The following SPATS2L variants were observed in gnomAD, a reference collection of about 807,000 sequenced individuals.
SPATS2L encodes the protein SPATS2-like protein.
SPATS2L carries 30 observed loss-of-function variants against 59.6 expected under a neutral mutation model. That is an observed-to-expected ratio of 0.50 (90% CI 0.38 to 0.68). The LOEUF is 0.68. Ranked by LOEUF, SPATS2L falls within the 30% of genes least tolerant of loss-of-function variation. SPATS2L has a pLI of 0.00. For missense variants in SPATS2L, 615 were observed against 700.0 expected, an observed-to-expected ratio of 0.88 and a Z score of 1.37; for synonymous variants, 252 against 263.5, an observed-to-expected ratio of 0.96 and a Z score of 0.42.
upstream of SPATS2L, chr2:200,306,517 A>G: frequency 1.0e-6 from 1 of 1,002,316 alleles, no homozygotes; most frequent in Non-Finnish European, 1.2e-6. Flanking sequence ...CGTGCGTGTG[A>G]GCGGATACAA....
chr2:200,351,216 G>A (rs1223318160), intron 2 of SPATS2L: 1 of 471,086 alleles, frequency 2.1e-6, no homozygotes, highest in South Asian at 1.5e-5. Context: ...CACTTGCTGG[G>A]AGGGAGTGCC....
intron 2 of SPATS2L, chr2:200,378,159 C>A: frequency 1.1e-6 from 1 of 922,198 alleles, no homozygotes. Flanking sequence ...GGCCACCAAC[C>A]CCCTGCTGAT....
At chr2:200,474,612 A>G (rs2087362567) in intron 12 of SPATS2L, among the ~76,000 whole-genome samples, 1 of 152,176 alleles carries the variant, frequency 6.6e-6, no homozygotes, top group South Asian at 2.1e-4. Context: ...CTCTCTGTTC[A>G]TTATTAAATA....
intron 1 of SPATS2L, among the ~76,000 whole-genome samples, chr2:200,314,165 T>C (rs2105752490): frequency 6.6e-6 from 1 of 152,336 alleles, no homozygotes; most frequent in African/African-American, 2.4e-5. Context: ...ACTCGACAAG[T>C]TCAAAACATC....
At position 200,365,869 on chromosome 2, in the gene SPATS2L, C is replaced by T. The variant is rs376116573; in HGVS notation, c.-22-23354C>T. ...GGTCACCCTCACTAAAATCAAAGTT[C>T]CTCGAGGCCAGGGATTGTATTTCAT... On this transcript the variant is annotated intron_variant, in intron 2 of 12. Transcript: ENST00000409140. Among the ~76,000 whole-genome samples the T allele has an allele frequency of 1.1e-4, 17 of 152,274 alleles. No homozygotes were observed. The East Asian group carries it at 2.1e-3, about 19-fold the overall frequency.
chr2:200,471,915 C>G (rs2087074211), intron 11 of SPATS2L, among the ~76,000 whole-genome samples: 1 of 152,234 alleles, frequency 6.6e-6, no homozygotes, highest in Non-Finnish European at 1.5e-5. Flanking sequence ...AAAGAAAGGT[C>G]TAGCTGGCAG....
intron 2 of SPATS2L, among the ~76,000 whole-genome samples, chr2:200,369,105 T>C (rs906567086): frequency 3.6e-4 from 44 of 123,842 alleles, no homozygotes; most frequent in African/African-American, 1.2e-3. Flanking sequence ...AAGAGAGTTA[T>C]GGCTGCAAAG....
intron 2 of SPATS2L, among the ~76,000 whole-genome samples, chr2:200,358,295 T>A (rs2080982911): frequency 6.6e-6 from 1 of 152,204 alleles, no homozygotes; most frequent in Admixed American, 6.5e-5. Context: ...TGCAGGCACA[T>A]CATATAACCT....
chr2:200,340,199 C>T (rs1422688735), intron 2 of SPATS2L, among the ~76,000 whole-genome samples: 1 of 152,182 alleles, frequency 6.6e-6, no homozygotes, highest in Non-Finnish European at 1.5e-5. Context: ...TGTTATGGTC[C>T]TCTGAAGTAT....
chr2:200,407,480 C>T (rs2082726675), intron 3 of SPATS2L, among the ~76,000 whole-genome samples: 1 of 152,226 alleles, frequency 6.6e-6, no homozygotes, highest in South Asian at 2.1e-4. Flanking sequence ...CACTGCTAAA[C>T]TGTGCCTCCT....
Position 200,458,307 on chromosome 2 carries a change from G to A in SPATS2L, c.789-1462G>A, listed in dbSNP as rs2085994518. 2.0e-5 allele frequency among the ~76,000 whole-genome samples: 3 copies of A among 152,098 alleles called. No individual in the cohort carries two copies. The South Asian group carries it at 6.2e-4, about 32-fold the overall frequency. ...TGCTAAGATCATAAAAAAGAGAGAT[G>A]TCTTTTGTATTTCCTATAAATTTGC... On this transcript the variant is annotated intron_variant, in intron 8 of 12. Transcript: ENST00000409140.
intron 11 of SPATS2L, among the ~76,000 whole-genome samples, chr2:200,471,453 TCAC>T (rs1302115279): frequency 6.6e-6 from 1 of 151,492 alleles, no homozygotes; most frequent in Non-Finnish European, 1.5e-5. Context: ...AGGTGCCCCT[TCAC>T]CTCCTTTCCT....
chr2:200,376,189 C>A (rs909978321), intron 2 of SPATS2L, among the ~76,000 whole-genome samples: 2 of 152,032 alleles, frequency 1.3e-5, no homozygotes, highest in African/African-American at 4.8e-5. Flanking sequence ...CTTTTTGTAA[C>A]GTATTAAATC....
intron 6 of SPATS2L, among the ~76,000 whole-genome samples, chr2:200,431,303 A>G (rs1221646793): frequency 2.0e-5 from 3 of 152,238 alleles, no homozygotes; most frequent in African/African-American, 2.4e-5. Context: ...ACAAAGATCA[A>G]TTACCAAAGA....
At chr2:200,362,065 C>A (rs1049450681) in intron 2 of SPATS2L, among the ~76,000 whole-genome samples, 11 of 151,930 alleles carry the variant, frequency 7.2e-5, no homozygotes, top group Non-Finnish European at 1.3e-4. Context: ...CACAACCAGA[C>A]CCTGTTTCTA....
chr2:200,306,717 T>C lies in SPATS2L; in HGVS notation c.-278T>C. ...GAGTTGTGTCAGTGAAGGAATCCAG[T>C]CCGGGGGCCGAGCTGGCTGCGCCCT... is the stretch of plus-strand genomic sequence containing the variant. On this transcript the variant is annotated 5_prime_UTR_variant, in exon 1 of 13. Coordinates refer to ENST00000409140, the MANE Select transcript of SPATS2L (RefSeq NM_001100423.2). The C allele has an allele frequency of 1.0e-6, 1 of 979,860 alleles. No homozygotes were observed. The highest frequency in any genetic ancestry group is 1.2e-6 in the Non-Finnish European group (1 of 828,074). 60.7% of individuals were successfully genotyped at this position (979,860 alleles called of 1,614,324 possible).
At chr2:200,314,655 C>T (rs1484012968) in intron 1 of SPATS2L, among the ~76,000 whole-genome samples, 2 of 152,132 alleles carry the variant, frequency 1.3e-5, no homozygotes, top group Non-Finnish European at 2.9e-5. Context: ...CTGTCTGCCC[C>T]TGCCCGTAGC....
At chr2:200,381,295 C>A (rs554129314) in intron 2 of SPATS2L, among the ~76,000 whole-genome samples, 1 of 152,256 alleles carries the variant, frequency 6.6e-6, no homozygotes, top group East Asian at 1.9e-4. Context: ...GGAGACAGCA[C>A]CCACGCCTTT....
At chr2:200,467,427 C>T (rs774259053) in intron 10 of SPATS2L, 28 bp downstream of exon 10, 8 of 1,512,204 alleles carry the variant, frequency 5.3e-6, no homozygotes, top group African/African-American at 1.4e-5. Flanking sequence ...ACAGCCTGAA[C>T]CCTGAGCCAG....
Sources: allele counts gnomAD v4.1 joint callset (sites outside exome capture counted in the v4.1 genomes callset), GRCh38; gene constraint gnomAD v4.1.1; transcripts MANE v1.5; gene names NCBI Gene and HGNC (gene_info 2026-07-23, HGNC 2026-07-21).